CHD1L: variants seen among roughly 807,000 people sequenced by gnomAD.
The protein encoded by CHD1L is chromodomain helicase DNA binding protein 1 like, also known as ATP-dependent chromatin remodeler CHD1L.
Under a neutral mutation model 115.9 loss-of-function variants are expected in CHD1L, and 118 were observed. The ratio of observed to expected loss-of-function variants is 1.02; its 90% CI spans 0.88 to 1.19. The LOEUF (loss-of-function observed/expected upper bound fraction) is 1.19. CHD1L is among the 50% of genes most tolerant of loss of function. CHD1L has a pLI of 0.00. For synonymous variants in CHD1L, 411 were observed against 387.1 expected, an observed-to-expected ratio of 1.06 and a Z score of -0.72; for missense variants, 1,179 against 1,065.3, an observed-to-expected ratio of 1.11 and a Z score of -1.49.
At position 147,255,639 on chromosome 1, in the gene CHD1L, G is replaced by T. The variant is rs587596974; in HGVS notation, c.348-174G>T. ...CCTCTACCTGTTCACATAGGAACTCGCTCTGAGGTTCAACCATTTTTTTAG... is the reference window on the plus strand; with the variant it reads ...CCTCTACCTGTTCACATAGGAACTCTCTCTGAGGTTCAACCATTTTTTTAG... On this transcript the variant is annotated intron_variant, in intron 3 of 22. Coordinates refer to ENST00000369258, the MANE Select transcript of CHD1L (RefSeq NM_004284.6). 1.3e-4 allele frequency among the ~76,000 whole-genome samples: 20 copies of T among 152,262 alleles called. No homozygotes were observed. The East Asian group carries it at 3.9e-3, about 29-fold the overall frequency.
the CHD1L span, among the ~76,000 whole-genome samples, chr1:147,197,979 G>C: frequency 0.038 from 5,749 of 152,298 alleles, 123 homozygotes; most frequent in African/African-American, 0.05. Flanking sequence ...GGAAGGAAGA[G>C]AGTCTGAATT....
chr1:147,228,747 T>A, the CHD1L span, among the ~76,000 whole-genome samples: 2 of 152,270 alleles, frequency 1.3e-5, no homozygotes, highest in Non-Finnish European at 2.9e-5. Context: ...GATTTGTATT[T>A]CTCTGGTGGC....
chr1:147,198,158 G>A, the CHD1L span, among the ~76,000 whole-genome samples: 1 of 152,122 alleles, frequency 6.6e-6, no homozygotes, highest in African/African-American at 2.4e-5. Context: ...TAACATAACT[G>A]GAAATTGGCT....
At chr1:147,285,173 T>C in intron 16 of CHD1L, 151 bp from the exon 17 acceptor site, 1 of 844,412 alleles carries the variant, frequency 1.2e-6, no homozygotes, top group East Asian at 2.5e-5. Flanking sequence ...CTCCAAGTGC[T>C]TTGCCTCCAG....
chr1:147,181,776 C>T, the CHD1L span, among the ~76,000 whole-genome samples: 2 of 152,070 alleles, frequency 1.3e-5, no homozygotes, highest in Admixed American at 6.6e-5. Context: ...ATTGAGAGTG[C>T]GTGGTAGGGT....
At chr1:147,282,983 G>T (rs1681511269) in intron 15 of CHD1L, among the ~76,000 whole-genome samples, 1 of 152,200 alleles carries the variant, frequency 6.6e-6, no homozygotes, top group East Asian at 1.9e-4. Context: ...GCAGAGTGAA[G>T]ATAGGAAGTA....
intron 15 of CHD1L, among the ~76,000 whole-genome samples, chr1:147,282,820 A>G (rs782455793): frequency 6.6e-6 from 1 of 152,216 alleles, no homozygotes; most frequent in Non-Finnish European, 1.5e-5. Flanking sequence ...AACTGCCTAA[A>G]ATAATTTTAC....
chr1:147,209,980 A>C, the CHD1L span: 4 of 152,222 alleles, frequency 2.6e-5, no homozygotes, highest in African/African-American at 9.6e-5. Flanking sequence ...AGGATAGGAG[A>C]TAAAGCCTAC....
At chr1:147,258,070 T>G (rs1467385765) in intron 5 of CHD1L, among the ~76,000 whole-genome samples, 1 of 152,204 alleles carries the variant, frequency 6.6e-6, no homozygotes, top group Non-Finnish European at 1.5e-5. Flanking sequence ...TATTGTACAT[T>G]CTGAGAATAG....
At chr1:147,218,289 G>A in the CHD1L span, among the ~76,000 whole-genome samples, 69 of 151,636 alleles carry the variant, frequency 4.6e-4, no homozygotes, top group Middle Eastern at 3.4e-3. Flanking sequence ...AGGCTGGAGT[G>A]CAGTAGCACG....
At chr1:147,178,122 C>T in the CHD1L span, 3 of 1,590,730 alleles carry the variant, frequency 1.9e-6, no homozygotes, top group Non-Finnish European at 2.6e-6. Flanking sequence ...CCATGTGCCT[C>T]CGCCGCCCAG....
chr1:147,284,647 A>G (rs1002013336), intron 16 of CHD1L, 148 bp downstream of exon 16: 26 of 695,172 alleles, frequency 3.7e-5, no homozygotes, highest in Middle Eastern at 3.9e-4. Context: ...ATAATTAACT[A>G]TACCCTAGTA....
chr1:147,222,933 A>G, the CHD1L span, among the ~76,000 whole-genome samples: 1 of 152,206 alleles, frequency 6.6e-6, no homozygotes, highest in Non-Finnish European at 1.5e-5. Flanking sequence ...AAGACACCAC[A>G]TGTGTGAGTC....
the CHD1L span, among the ~76,000 whole-genome samples, chr1:147,177,145 G>A: frequency 4.3e-3 from 657 of 152,014 alleles, 2 homozygotes; most frequent in Non-Finnish European, 7.0e-3. Context: ...CTAGGACTGG[G>A]GCAGGGGATA....
chr1:147,294,521 T>C lies in CHD1L; in HGVS notation c.2615+4T>C, dbSNP rs782590901. 1 of 1,605,998 alleles carries C rather than the reference T, an allele frequency of 6.2e-7. No individual in the cohort carries two copies. Among genetic ancestry groups the C allele is most frequent in the South Asian group, 1.1e-5 (1 of 90,228 alleles). On this transcript the variant is annotated splice_donor_region_variant and intron_variant, in intron 22 of 22. Transcript: ENST00000369258. The stretch of plus-strand genomic sequence containing the variant: ...CAAGAGGCATCCCAACTTACATGTA[T>C]CCTTTTGTGATCTTCATTGTGTGTT...
chr1:147,239,762 A>G (rs1664711848), upstream of CHD1L, among the ~76,000 whole-genome samples: 1 of 152,218 alleles, frequency 6.6e-6, no homozygotes. Context: ...CTAGGACTCT[A>G]TCATCTGGTA....
chr1:147,295,413 C>T lies in CHD1L; in HGVS notation c.2616-18C>T. 5 of 1,572,832 alleles carry T rather than the reference C, an allele frequency of 3.2e-6. No homozygotes were observed. The highest frequency in any genetic ancestry group is 3.7e-4 in the Middle Eastern group (2 of 5,440). On this transcript the variant is annotated intron_variant, in intron 22 of 22. Coordinates refer to ENST00000369258, the MANE Select transcript of CHD1L (RefSeq NM_004284.6). Reference sequence around the variant, plus strand: ...GTTTAAAGTGATGACATGTATCTTCCTTGACCATCCTTATCAGATATTATT... The same window carrying T: ...GTTTAAAGTGATGACATGTATCTTCTTTGACCATCCTTATCAGATATTATT...
chr1:147,236,823 G>A, the CHD1L span, among the ~76,000 whole-genome samples: 3,096 of 152,248 alleles, frequency 0.02, 115 homozygotes, highest in African/African-American at 0.071. Context: ...GGAAGTGTGC[G>A]CCAACTGGTC....
chr1:147,241,691 C>T (rs1464137235), upstream of CHD1L, among the ~76,000 whole-genome samples: 2 of 152,068 alleles, frequency 1.3e-5, no homozygotes, highest in Non-Finnish European at 2.9e-5. Context: ...TGAAGTCATC[C>T]CTTTTCTAGC....
Sources: gnomAD v4.1 joint callset for allele counts (sites outside exome capture counted in the v4.1 genomes callset) on GRCh38, gnomAD v4.1.1 for gene constraint, MANE v1.5 for transcripts, NCBI Gene and HGNC (gene_info 2026-07-23, HGNC 2026-07-21) for gene names.